The following SHISA9 variants were observed in gnomAD, a reference collection of about 807,000 sequenced individuals.
The protein encoded by SHISA9 is protein shisa-9.
A neutral mutation model predicts 38.0 loss-of-function variants in SHISA9; 13 were observed. The ratio of observed to expected loss-of-function variants is 0.34; its 90% CI spans 0.22 to 0.54. SHISA9 has a LOEUF of 0.54. SHISA9 is among the 20% of genes least tolerant of loss of function. The pLI, the probability that SHISA9 is intolerant of heterozygous loss-of-function variation, is 0.91. For synonymous variants in SHISA9, 275 were observed against 242.0 expected, an observed-to-expected ratio of 1.14 and a Z score of -1.27; for missense variants, 538 against 575.8, an observed-to-expected ratio of 0.93 and a Z score of 0.67.
the SHISA9 span, among the ~76,000 whole-genome samples, chr16:13,330,864 C>A: frequency 6.6e-6 from 1 of 152,150 alleles, no homozygotes; most frequent in African/African-American, 2.4e-5. Flanking sequence ...CCATACTCCA[C>A]TCATCAAGCC....
At chr16:13,341,841 T>C in the SHISA9 span, among the ~76,000 whole-genome samples, 4 of 152,244 alleles carry the variant, frequency 2.6e-5, no homozygotes, top group Admixed American at 6.5e-5. Context: ...TTGAAACCTT[T>C]AAAAGTATCT....
At chr16:13,108,184 A>G (rs1459413650) in intron 2 of SHISA9, among the ~76,000 whole-genome samples, 1 of 150,796 alleles carries the variant, frequency 6.6e-6, no homozygotes, top group Non-Finnish European at 1.5e-5. Flanking sequence ...GCTGGAGTGC[A>G]GTGTCCTGAC....
At chr16:13,188,173 A>G (rs913815246) in intron 2 of SHISA9, among the ~76,000 whole-genome samples, 2 of 152,260 alleles carry the variant, frequency 1.3e-5, no homozygotes, top group East Asian at 1.9e-4. Context: ...CACTCCAAAA[A>G]AGAGCAAACA....
chr16:13,325,136 C>T, the SHISA9 span, among the ~76,000 whole-genome samples: 14 of 152,094 alleles, frequency 9.2e-5, no homozygotes, highest in African/African-American at 3.4e-4. Context: ...TGGAAAGGAC[C>T]CAGTAAGGGA....
the SHISA9 span, among the ~76,000 whole-genome samples, chr16:13,280,641 T>C: frequency 6.6e-5 from 10 of 151,850 alleles, no homozygotes; most frequent in African/African-American, 2.2e-4. Context: ...TTAATTATGT[T>C]GTAACGAGAG....
the SHISA9 span, among the ~76,000 whole-genome samples, chr16:13,397,427 T>TGTTTGTTG: frequency 1.3e-5 from 2 of 151,902 alleles, no homozygotes; most frequent in Non-Finnish European, 2.9e-5. Context: ...TTTGTTTGTT[T>TGTTTGTTG]GTTTGTTAGT....
chr16:13,304,879 A>G, the SHISA9 span, among the ~76,000 whole-genome samples: 4 of 152,206 alleles, frequency 2.6e-5, no homozygotes, highest in African/African-American at 7.2e-5. Context: ...TATGAGGGGC[A>G]TATAGCACAA....
the SHISA9 span, among the ~76,000 whole-genome samples, chr16:13,493,418 C>T: frequency 7.2e-5 from 11 of 152,216 alleles, no homozygotes; most frequent in Middle Eastern, 6.8e-3. Context: ...ACAAAATTCC[C>T]GTGAAGAATT....
At chr16:13,299,545 C>T in the SHISA9 span, among the ~76,000 whole-genome samples, 5 of 152,096 alleles carry the variant, frequency 3.3e-5, no homozygotes, top group East Asian at 9.7e-4. Flanking sequence ...GAAACGCTCT[C>T]TGTACTAAAA....
At chr16:13,143,752 C>T (rs1246326080) in intron 2 of SHISA9, among the ~76,000 whole-genome samples, 1 of 152,232 alleles carries the variant, frequency 6.6e-6, no homozygotes, top group Non-Finnish European at 1.5e-5. Flanking sequence ...ATCCCTGAGG[C>T]AGTACCATTG....
chr16:13,063,315 T>G (rs566932225), intron 2 of SHISA9, among the ~76,000 whole-genome samples: 4 of 152,268 alleles, frequency 2.6e-5, no homozygotes, highest in East Asian at 1.9e-4. Context: ...CCTCAGTTTC[T>G]TTATCTGTAA....
At chr16:13,309,046 T>C in the SHISA9 span, among the ~76,000 whole-genome samples, 4 of 152,238 alleles carry the variant, frequency 2.6e-5, no homozygotes, top group Non-Finnish European at 1.5e-5. Flanking sequence ...TTGCCTTTTT[T>C]TCCAGTATAG....
At chr16:13,249,343 A>G in the SHISA9 span, among the ~76,000 whole-genome samples, 1 of 152,192 alleles carries the variant, frequency 6.6e-6, no homozygotes, top group Admixed American at 6.5e-5. Flanking sequence ...TTTATAGCCC[A>G]TGTCATTTTG....
the SHISA9 span, among the ~76,000 whole-genome samples, chr16:13,377,201 C>T: frequency 2.0e-5 from 3 of 152,248 alleles, no homozygotes; most frequent in Non-Finnish European, 4.4e-5. Context: ...CCATCATGGA[C>T]CACAATAGCA....
At chr16:13,322,701 G>A in the SHISA9 span, among the ~76,000 whole-genome samples, 13 of 152,158 alleles carry the variant, frequency 8.5e-5, no homozygotes, top group African/African-American at 3.1e-4. Context: ...CATCCATCCT[G>A]GGGATGTGGG....
intron 2 of SHISA9, among the ~76,000 whole-genome samples, chr16:13,141,771 C>T (rs564364214): frequency 2.0e-5 from 3 of 152,232 alleles, no homozygotes; most frequent in Non-Finnish European, 2.9e-5. Flanking sequence ...TCCTTGCCCT[C>T]GTTTGTCATT....
chr16:12,902,535 C>T lies in SHISA9; in HGVS notation c.471C>T (p.Ile157=). 1 of 1,551,430 alleles carries T rather than the reference C, an allele frequency of 6.4e-7. No homozygotes were observed. The highest frequency in any genetic ancestry group is 1.2e-5 in the South Asian group (1 of 84,056). Residue 157 remains isoleucine, a synonymous_variant, in exon 1 of 5, where the codon ATC becomes ATT. Transcript: ENST00000558583. ...KDKTNLIVYI[I]CGVVAVMVLV... Reference sequence around the variant, plus strand: ...AGACCAACCTGATCGTCTACATCATCTGCGGGGTGGTGGCCGTCATGGTGC... The same window carrying T: ...AGACCAACCTGATCGTCTACATCATTTGCGGGGTGGTGGCCGTCATGGTGC...
the SHISA9 span, among the ~76,000 whole-genome samples, chr16:13,336,747 G>A: frequency 6.6e-6 from 1 of 152,132 alleles, no homozygotes; most frequent in South Asian, 2.1e-4. Flanking sequence ...GTTCATCAGT[G>A]GTTTCATTCT....
At chr16:13,312,703 T>A in the SHISA9 span, among the ~76,000 whole-genome samples, 2 of 152,196 alleles carry the variant, frequency 1.3e-5, no homozygotes, top group Non-Finnish European at 2.9e-5. Flanking sequence ...AAATTTATAA[T>A]GTTTAGGTAA....
Sources: allele counts gnomAD v4.1 joint callset (sites outside exome capture counted in the v4.1 genomes callset), GRCh38; gene constraint gnomAD v4.1.1; transcripts MANE v1.5; gene names NCBI Gene and HGNC (gene_info 2026-07-23, HGNC 2026-07-21).